CAP2: variants seen among roughly 807,000 people sequenced by gnomAD.
CAP2 encodes adenylyl cyclase-associated protein 2.
A neutral mutation model predicts 57.7 loss-of-function variants in CAP2; 24 were observed. The ratio of observed to expected loss-of-function variants is 0.42; its 90% CI spans 0.30 to 0.58. CAP2 has a LOEUF of 0.58. Among genes scored for constraint, CAP2 ranks in the 20% least tolerant of loss-of-function variants. The pLI, the probability that CAP2 is intolerant of heterozygous loss-of-function variation, is 0.22. For synonymous variants in CAP2, 194 were observed against 207.2 expected (o/e 0.94, Z 0.55); for missense variants, 501 against 590.3 (o/e 0.85, Z 1.57).
chr6:17,407,374 G>A (rs1044327121), intron 1 of CAP2, among the ~76,000 whole-genome samples: 1 of 152,074 alleles, frequency 6.6e-6, no homozygotes, highest in African/African-American at 2.4e-5. Flanking sequence ...AGCACTTCGG[G>A]AGACCGAGTC....
intron 3 of CAP2, among the ~76,000 whole-genome samples, chr6:17,452,770 GTTTCACTGTCC>G (rs71649453): frequency 0.016 from 2,386 of 152,230 alleles, 47 homozygotes; most frequent in African/African-American, 0.05. Flanking sequence ...CCATATCACA[GTTTCACTGTCC>G]TTTCCCCCAG....
intron 4 of CAP2, among the ~76,000 whole-genome samples, chr6:17,479,660 A>G (rs1483884907): frequency 2.9e-5 from 4 of 137,460 alleles, no homozygotes; most frequent in South Asian, 4.5e-4. Flanking sequence ...CGCCCAGGCT[A>G]GAGTGCAGTG....
intron 7 of CAP2, among the ~76,000 whole-genome samples, 176 bp from the exon 8 acceptor site, chr6:17,539,093 G>T (rs1387339353): frequency 1.3e-5 from 2 of 152,152 alleles, no homozygotes; most frequent in South Asian, 2.1e-4. Context: ...AGCTGGAGCT[G>T]CCATGGTTCA....
At chr6:17,489,117 A>G (rs1190579927) in intron 4 of CAP2, among the ~76,000 whole-genome samples, 2 of 152,166 alleles carry the variant, frequency 1.3e-5, no homozygotes, top group East Asian at 1.9e-4. Context: ...GATGGCCACC[A>G]TGAGCCACAG....
chr6:17,485,604 C>T (rs1465948455), intron 4 of CAP2, among the ~76,000 whole-genome samples: 2 of 152,150 alleles, frequency 1.3e-5, no homozygotes, highest in African/African-American at 2.4e-5. Context: ...TTTCCACTGA[C>T]CCCAGAAAAG....
In CAP2 at chr6:17,426,592, G is replaced by A. The variant is rs779627920; in HGVS notation, c.124G>A (p.Val42Met). Residue 42 changes from valine to methionine, a missense_variant and splice_region_variant, in exon 3 of 13, where the codon GTG (valine) becomes ATG (methionine). Transcript: ENST00000229922. Reference sequence around the variant, plus strand: ...AACAAACTGCTCCTTTCCCCAAGGTGTGGCACCCTCCGTGGAAGCCTTTGA... The same window carrying A: ...AACAAACTGCTCCTTTCCCCAAGGTATGGCACCCTCCGTGGAAGCCTTTGA... ...CGEVNGVIAG[V>M]APSVEAFDKL... 2.0e-5 allele frequency: 33 copies of A among 1,612,438 alleles called. No individual in the cohort carries two copies. The highest frequency in any genetic ancestry group is 1.8e-4 in the Admixed American group (11 of 59,994).
intron 3 of CAP2, among the ~76,000 whole-genome samples, chr6:17,453,661 C>T (rs528381565): frequency 6.6e-6 from 1 of 152,278 alleles, no homozygotes; most frequent in East Asian, 1.9e-4. Flanking sequence ...TGGAGAGTGT[C>T]ATTGAGGAAG....
intron 4 of CAP2, among the ~76,000 whole-genome samples, chr6:17,493,816 G>T (rs1040899189): frequency 6.6e-6 from 1 of 151,178 alleles, no homozygotes; most frequent in African/African-American, 2.4e-5. Context: ...CTGCACTGCA[G>T]ATATTACTCA....
chr6:17,493,465 A>G (rs1465542085), intron 4 of CAP2: 3 of 256,284 alleles, frequency 1.2e-5, no homozygotes, highest in Non-Finnish European at 2.5e-5. Context: ...TGTACCCATA[A>G]TGGAGGCTGG....
chr6:17,479,169 A>G (rs1190849436), intron 4 of CAP2, among the ~76,000 whole-genome samples: 1 of 152,128 alleles, frequency 6.6e-6, no homozygotes, highest in African/African-American at 2.4e-5. Flanking sequence ...GGTGTCCTCC[A>G]GGAGCTCAAA....
chr6:17,447,175 TAAA>T (rs5874607), intron 3 of CAP2, among the ~76,000 whole-genome samples: 11 of 133,438 alleles, frequency 8.2e-5, no homozygotes, highest in Non-Finnish European at 8.1e-5. Context: ...GGCAGCTAAT[TAAA>T]AAAAAAAAAA....
At chr6:17,518,334 A>G (rs1185110282) in intron 7 of CAP2, among the ~76,000 whole-genome samples, 1 of 152,240 alleles carries the variant, frequency 6.6e-6, no homozygotes, top group Non-Finnish European at 1.5e-5. Context: ...AGTCCATAGC[A>G]TAAATCAAGC....
At chr6:17,431,251 C>T (rs1759722284) in intron 3 of CAP2, among the ~76,000 whole-genome samples, 1 of 151,960 alleles carries the variant, frequency 6.6e-6, no homozygotes, top group Non-Finnish European at 1.5e-5. Flanking sequence ...ACCTCCGCGA[C>T]ACAAAATTTA....
intron 1 of CAP2, among the ~76,000 whole-genome samples, chr6:17,400,514 G>C (rs141124338): frequency 2.6e-5 from 4 of 152,074 alleles, no homozygotes; most frequent in Non-Finnish European, 5.9e-5. Context: ...GGATCTATTC[G>C]GATGATTGTC....
chr6:17,427,945 A>C (rs1053995691), intron 3 of CAP2, among the ~76,000 whole-genome samples: 1 of 152,238 alleles, frequency 6.6e-6, no homozygotes, highest in Non-Finnish European at 1.5e-5. Context: ...AGGGCGGTCA[A>C]ATTTGTGGAG....
chr6:17,530,237 C>T (rs1310888304), intron 7 of CAP2, among the ~76,000 whole-genome samples: 1 of 152,008 alleles, frequency 6.6e-6, no homozygotes, highest in Non-Finnish European at 1.5e-5. Context: ...ATAACCACCA[C>T]ACCCGGCTAA....
At chr6:17,500,734 T>C (rs1197698447) in intron 4 of CAP2, among the ~76,000 whole-genome samples, 3 of 152,166 alleles carry the variant, frequency 2.0e-5, no homozygotes, top group Non-Finnish European at 4.4e-5. Flanking sequence ...GCAAAGGAAA[T>C]GTATGTACAT....
chr6:17,470,345 A>G (rs1178190916), intron 4 of CAP2, among the ~76,000 whole-genome samples: 1 of 152,228 alleles, frequency 6.6e-6, no homozygotes, highest in African/African-American at 2.4e-5. Context: ...GGTTATTGTG[A>G]GGATTAAATG....
At chr6:17,400,690 C>T (rs571597101) in intron 1 of CAP2, among the ~76,000 whole-genome samples, 3 of 151,806 alleles carry the variant, frequency 2.0e-5, no homozygotes, top group South Asian at 2.1e-4. Context: ...GGTGAAACCC[C>T]GTCTGTACTA....
Sources: allele counts gnomAD v4.1 joint callset (sites outside exome capture counted in the v4.1 genomes callset), GRCh38; gene constraint gnomAD v4.1.1; transcripts MANE v1.5; gene names NCBI Gene and HGNC (gene_info 2026-07-23, HGNC 2026-07-21).